FSTL5: variants seen among roughly 807,000 people sequenced by gnomAD.
The protein encoded by FSTL5 is follistatin-related protein 5.
A neutral mutation model predicts 89.1 loss-of-function variants in FSTL5; 62 were observed. The observed-to-expected ratio is 0.70, with a 90% CI of 0.57 to 0.86. FSTL5 has a LOEUF of 0.86. Among genes scored for constraint, FSTL5 ranks in the 40% least tolerant of loss-of-function variants. The pLI, the probability that FSTL5 is intolerant of heterozygous loss-of-function variation, is 0.00. For missense variants in FSTL5, 1,057 were observed against 1,001.6 expected, an observed-to-expected ratio of 1.06 and a Z score of -0.75; for synonymous variants, 383 against 346.2, an observed-to-expected ratio of 1.11 and a Z score of -1.18.
chr4:161,813,882 T>C (rs770690772), intron 4 of FSTL5, among the ~76,000 whole-genome samples: 1 of 152,172 alleles, frequency 6.6e-6, no homozygotes, highest in East Asian at 1.9e-4. Context: ...ATAATAGTTC[T>C]GTGTCTCTTT....
chr4:162,022,236 A>G (rs1200753549), intron 3 of FSTL5, among the ~76,000 whole-genome samples: 1 of 152,138 alleles, frequency 6.6e-6, no homozygotes, highest in African/African-American at 2.4e-5. Flanking sequence ...TTACATTTAA[A>G]CAAGTAATTA....
rs1371949338 is a variant in FSTL5 at position 162,063,470 on chromosome 4, T to G, written c.127-29812A>C. 3.9e-5 allele frequency among the ~76,000 whole-genome samples: 6 copies of G among 151,988 alleles called. No individual in the cohort carries two copies. The East Asian group carries it at 9.7e-4, about 25-fold the overall frequency. On this transcript the variant is annotated intron_variant, in intron 2 of 15. Coordinates refer to ENST00000306100, the MANE Select transcript of FSTL5 (RefSeq NM_020116.5). ...GATCAATATGCTGTATCAACTAAAA[T>G]TCTTTGTACTGAAATGAAAGATCAT...
At chr4:161,937,619 TA>T (rs1734467669) in intron 3 of FSTL5, among the ~76,000 whole-genome samples, 1 of 152,204 alleles carries the variant, frequency 6.6e-6, no homozygotes, top group Admixed American at 6.5e-5. Context: ...TAGAAGGCCA[TA>T]AAGCAGTATA....
chr4:161,626,282 A>C lies in FSTL5; in HGVS notation c.894+30046T>G, dbSNP rs542784037. Among the ~76,000 whole-genome samples, 3 of 152,286 alleles carry C rather than the reference A, an allele frequency of 2.0e-5. No individual in the cohort carries two copies. The South Asian group carries it at 6.2e-4, about 32-fold the overall frequency. On this transcript the variant is annotated intron_variant, in intron 7 of 15. Transcript: ENST00000306100. Reference sequence around the variant, plus strand: ...AAAAAACAGGCCGATTCTCTTGTTAAGGGCTAATGCACTCGGTGACTTTGA... The same window carrying C: ...AAAAAACAGGCCGATTCTCTTGTTACGGGCTAATGCACTCGGTGACTTTGA...
intron 3 of FSTL5, among the ~76,000 whole-genome samples, chr4:161,973,815 T>G (rs1333759698): frequency 6.6e-6 from 1 of 152,134 alleles, no homozygotes; most frequent in African/African-American, 2.4e-5. Flanking sequence ...CAGAGTCACT[T>G]AAAAGATTAT....
chr4:161,537,178 G>A (rs905239965), intron 10 of FSTL5, among the ~76,000 whole-genome samples: 1 of 152,118 alleles, frequency 6.6e-6, no homozygotes, highest in Non-Finnish European at 1.5e-5. Context: ...GACTTAAGAA[G>A]TAATAGGAAG....
intron 15 of FSTL5, among the ~76,000 whole-genome samples, chr4:161,406,034 T>C (rs1731362988): frequency 6.6e-6 from 1 of 152,122 alleles, no homozygotes; most frequent in South Asian, 2.1e-4. Context: ...TTCTTAAAGC[T>C]GTCCTGAAGA....
chr4:162,143,869 C>T (rs1732861349), intron 1 of FSTL5, among the ~76,000 whole-genome samples: 1 of 151,502 alleles, frequency 6.6e-6, no homozygotes, highest in African/African-American at 2.4e-5. Context: ...AGTTTCCAAG[C>T]AGAACTATCT....
chr4:161,885,266 C>G (rs974146427), intron 4 of FSTL5, among the ~76,000 whole-genome samples: 5 of 151,812 alleles, frequency 3.3e-5, no homozygotes, highest in African/African-American at 1.2e-4. Flanking sequence ...AACTGGAGTA[C>G]GAGTAAAAGC....
chr4:161,743,559 AGTTT>A (rs1181941040), intron 6 of FSTL5, among the ~76,000 whole-genome samples: 2 of 151,938 alleles, frequency 1.3e-5, no homozygotes, highest in African/African-American at 4.8e-5. Context: ...TATGAACTTT[AGTTT>A]TTTTTTCTAT....
intron 15 of FSTL5, among the ~76,000 whole-genome samples, chr4:161,440,363 G>A (rs1732717727): frequency 6.6e-6 from 1 of 151,728 alleles, no homozygotes; most frequent in South Asian, 2.1e-4. Context: ...AAGAAGCATT[G>A]TCCTGGGGCA....
chr4:161,499,959 A>T, intron 12 of FSTL5, 57 bp downstream of exon 12: 1 of 982,688 alleles, frequency 1.0e-6, no homozygotes. Context: ...TCCAAAACGT[A>T]ATTCTACTTA....
chr4:161,815,844 C>T (rs1183117966), intron 4 of FSTL5, among the ~76,000 whole-genome samples: 2 of 151,992 alleles, frequency 1.3e-5, no homozygotes, highest in Non-Finnish European at 2.9e-5. Context: ...GCTACAATTA[C>T]CTAATATGCT....
intron 1 of FSTL5, among the ~76,000 whole-genome samples, chr4:162,143,480 C>G (rs1490852205): frequency 6.6e-6 from 1 of 152,062 alleles, no homozygotes; most frequent in Admixed American, 6.6e-5. Context: ...TACAGGTGAA[C>G]ACCATTGTTA....
At chr4:161,458,214 C>A (rs1384779361) in intron 14 of FSTL5, among the ~76,000 whole-genome samples, 21 of 152,124 alleles carry the variant, frequency 1.4e-4, no homozygotes, top group Non-Finnish European at 7.4e-5. Context: ...GCCCAGGTAG[C>A]CAACTCACAG....
intron 3 of FSTL5, among the ~76,000 whole-genome samples, chr4:161,998,888 ACACAC>A (rs1464466291): frequency 1.4e-5 from 2 of 147,818 alleles, no homozygotes; most frequent in African/African-American, 5.1e-5. Flanking sequence ...ACACACACAC[ACACAC>A]GAGTCAGGTT....
intron 7 of FSTL5, among the ~76,000 whole-genome samples, chr4:161,641,109 G>T (rs1560764895): frequency 6.6e-6 from 1 of 152,116 alleles, no homozygotes; most frequent in Non-Finnish European, 1.5e-5. Flanking sequence ...AAATCTGTGG[G>T]AATTTGATAC....
intron 6 of FSTL5, among the ~76,000 whole-genome samples, chr4:161,673,297 C>A (rs533196598): frequency 3.3e-5 from 5 of 152,014 alleles, no homozygotes; most frequent in Non-Finnish European, 7.4e-5. Context: ...CATTTTGTGG[C>A]ATTTTTTTAC....
chr4:162,138,568 C>T (rs910513390), intron 1 of FSTL5, among the ~76,000 whole-genome samples: 6 of 152,042 alleles, frequency 3.9e-5, no homozygotes, highest in African/African-American at 1.4e-4. Context: ...TTTAATAAGA[C>T]CAGCAGCAAA....
Sources: gnomAD v4.1 joint callset for allele counts (sites outside exome capture counted in the v4.1 genomes callset) on GRCh38, gnomAD v4.1.1 for gene constraint, MANE v1.5 for transcripts, NCBI Gene and HGNC (gene_info 2026-07-23, HGNC 2026-07-21) for gene names.